The following KDM4C variants were observed in gnomAD, a reference collection of about 807,000 sequenced individuals.
KDM4C encodes lysine demethylase 4C, also known as lysine-specific demethylase 4C.
A neutral mutation model predicts 129.3 loss-of-function variants in KDM4C; 81 were observed. That is an observed-to-expected ratio of 0.63 (90% CI 0.52 to 0.75). KDM4C has a LOEUF of 0.75. KDM4C is among the 30% of genes least tolerant of loss of function. The probability of loss-of-function intolerance (pLI) is 0.00; values close to 1 mark genes in which losing one functional copy is unlikely to be tolerated. For synonymous variants in KDM4C, 573 were observed against 456.1 expected (o/e 1.26, Z -3.26); for missense variants, 1,457 against 1,304.0 (o/e 1.12, Z -1.81).
intron 15 of KDM4C, among the ~76,000 whole-genome samples, chr9:7,032,717 C>G (rs187436843): frequency 6.6e-6 from 1 of 152,218 alleles, no homozygotes; most frequent in African/African-American, 2.4e-5. Flanking sequence ...CAGACCATCT[C>G]ATTCCCAGGC....
At chr9:7,064,279 G>T (rs1185606877) in intron 17 of KDM4C, among the ~76,000 whole-genome samples, 1 of 152,056 alleles carries the variant, frequency 6.6e-6, no homozygotes, top group Non-Finnish European at 1.5e-5. Context: ...TTTTTATATT[G>T]TCAATATGAT....
chr9:7,079,512 G>T (rs1197753670), intron 17 of KDM4C, among the ~76,000 whole-genome samples: 1 of 152,170 alleles, frequency 6.6e-6, no homozygotes, highest in Non-Finnish European at 1.5e-5. Context: ...AGTGGAGACA[G>T]TGTTTCGCCA....
chr9:6,928,207 A>G (rs1449497169), intron 8 of KDM4C, among the ~76,000 whole-genome samples: 7 of 152,038 alleles, frequency 4.6e-5, no homozygotes. Context: ...TCATAACACT[A>G]TACTCACCTT....
rs959474434 is a variant in KDM4C, at chr9:6,876,432, G to A, written c.630-3580G>A. On this transcript the variant is annotated intron_variant, in intron 5 of 21. Transcript: ENST00000381309. ...TCTGTGAGGTAGACTAGGTCTGACC[G>A]TGGTGAAGTGGCTTGTGCAATGTCT... 4.6e-5 allele frequency among the ~76,000 whole-genome samples: 7 copies of A among 152,194 alleles called. No homozygotes were observed. In the South Asian group the frequency reaches 6.2e-4, roughly 14 times the overall value.
chr9:6,822,314 C>T (rs988999543), intron 4 of KDM4C, among the ~76,000 whole-genome samples: 1 of 152,076 alleles, frequency 6.6e-6, no homozygotes, highest in African/African-American at 2.4e-5. Context: ...TTTGTCAGCC[C>T]CTTATATGGA....
intron 2 of KDM4C, among the ~76,000 whole-genome samples, chr9:6,799,830 C>G (rs111377473): frequency 1.3e-5 from 2 of 151,678 alleles, no homozygotes; most frequent in Non-Finnish European, 2.9e-5. Flanking sequence ...GTGCCCCTCC[C>G]CTTTCAATAT....
At chr9:7,164,829 G>T (rs1844204409) in intron 19 of KDM4C, among the ~76,000 whole-genome samples, 1 of 152,136 alleles carries the variant, frequency 6.6e-6, no homozygotes. Context: ...ATGTCATGGG[G>T]TGATTATAAG....
intron 8 of KDM4C, among the ~76,000 whole-genome samples, chr9:6,948,696 A>G (rs986459852): frequency 1.3e-5 from 2 of 151,872 alleles, no homozygotes; most frequent in Admixed American, 6.6e-5. Flanking sequence ...CTTAACGAGC[A>G]TGCTGCCTTC....
chr9:7,144,119 T>C (rs1842011104), intron 19 of KDM4C, among the ~76,000 whole-genome samples: 1 of 151,768 alleles, frequency 6.6e-6, no homozygotes, highest in Non-Finnish European at 1.5e-5. Context: ...TTTGTTTTTG[T>C]TTTTGTTTTT....
At chr9:7,030,670 C>CTTCAAA (rs1826576872) in intron 15 of KDM4C, among the ~76,000 whole-genome samples, 1 of 152,192 alleles carries the variant, frequency 6.6e-6, no homozygotes, top group East Asian at 1.9e-4. Flanking sequence ...TACTGTAACC[C>CTTCAAA]TGTCTGCTTT....
At chr9:6,965,679 C>T (rs1198474626) in intron 8 of KDM4C, among the ~76,000 whole-genome samples, 1 of 152,146 alleles carries the variant, frequency 6.6e-6, no homozygotes, top group Non-Finnish European at 1.5e-5. Flanking sequence ...AACTGATGTT[C>T]CAGTTCATGC....
At chr9:6,722,088 G>A (rs1015339045) in intron 1 of KDM4C, among the ~76,000 whole-genome samples, 3 of 152,254 alleles carry the variant, frequency 2.0e-5, no homozygotes, top group South Asian at 2.1e-4. Flanking sequence ...GAACTGTTCC[G>A]TGCTGGTTCC....
rs188714768 is a variant in KDM4C at position 6,740,364 on chromosome 9, T to C, written c.49+19367T>C. Among the ~76,000 whole-genome samples, 1,443 of 151,318 alleles carry C rather than the reference T, an allele frequency of 9.5e-3. 22 individuals carry two copies. The highest frequency in any genetic ancestry group is 0.033 in the African/African-American group (1,368 of 41,132). The stretch of plus-strand genomic sequence containing the variant: ...GACTACAGGCGCCCGTCACCCCACC[T>C]GGCTAATTTTTTGTATTTTTAGTAG... On this transcript the variant is annotated intron_variant, in intron 1 of 17. Coordinates refer to the KDM4C transcript ENST00000536108.
intron 8 of KDM4C, among the ~76,000 whole-genome samples, chr9:6,948,800 G>A (rs1827482370): frequency 6.6e-6 from 1 of 152,002 alleles, no homozygotes. Context: ...CCGGGTTGGG[G>A]GTAAGGTCAT....
Position 6,766,685 on chromosome 9 carries a change from G to A in KDM4C, c.-18+8482G>A, listed in dbSNP as rs576686543. 5.9e-4 allele frequency among the ~76,000 whole-genome samples: 90 copies of A among 152,002 alleles called. No homozygotes were observed. In the South Asian group the frequency reaches 7.5e-3, roughly 13 times the overall value. On this transcript the variant is annotated intron_variant, in intron 1 of 21. Transcript: ENST00000381309. ...ATTAGGGCTCTTTCTAGAAAGTCTC[G>A]GTCCCTGGGAAAGCACATAAATGAT...
intron 8 of KDM4C, among the ~76,000 whole-genome samples, chr9:6,915,898 C>G (rs1820224285): frequency 6.6e-6 from 1 of 152,170 alleles, no homozygotes; most frequent in Non-Finnish European, 1.5e-5. Flanking sequence ...GCAAAGACTC[C>G]TTTCCAGCAC....
At position 6,986,480 on chromosome 9, in the gene KDM4C, C is replaced by A. The variant is rs41306096; in HGVS notation, c.1491C>A (p.Pro497=). ...SIPLSSGYEK[P]EKSDPSELSW... is the part of the protein sequence containing the mutation. ...CATTGTCTAGTGGCTATGAGAAGCC[C>A]GAGAAATCAGACCCATCCGAGCTTT... The change falls in exon 11 of 22, where the codon CCC becomes CCA. Residue 497 remains proline (P), a synonymous_variant. Coordinates refer to ENST00000381309, the MANE Select transcript of KDM4C (RefSeq NM_015061.6). 1 of 1,613,870 alleles carries A rather than the reference C, an allele frequency of 6.2e-7. No individual in the cohort carries two copies. Among genetic ancestry groups the A allele is most frequent in the African/African-American group, 1.3e-5 (1 of 74,844 alleles).
chr9:6,890,486 G>A (rs1845959811), intron 7 of KDM4C, among the ~76,000 whole-genome samples: 1 of 152,062 alleles, frequency 6.6e-6, no homozygotes, highest in South Asian at 2.1e-4. Flanking sequence ...GAAAACATAA[G>A]TGTAATAAAC....
chr9:7,025,719 G>A (rs1825699032), intron 15 of KDM4C, among the ~76,000 whole-genome samples: 1 of 152,086 alleles, frequency 6.6e-6, no homozygotes, highest in Non-Finnish European at 1.5e-5. Flanking sequence ...TAATTTCTAT[G>A]TCTTGAAAAG....
Sources: gnomAD v4.1 joint callset for allele counts (sites outside exome capture counted in the v4.1 genomes callset) on GRCh38, gnomAD v4.1.1 for gene constraint, MANE v1.5 for transcripts, NCBI Gene and HGNC (gene_info 2026-07-23, HGNC 2026-07-21) for gene names.